Variants in LGSN observed in about 807,000 individuals in gnomAD.
LGSN encodes the protein lengsin.
Under a neutral mutation model 19.5 loss-of-function variants are expected in LGSN, and 21 were observed. The ratio of observed to expected loss-of-function variants is 1.07; its 90% confidence interval spans 0.76 to 1.55. LGSN has a LOEUF of 1.55. Ranked by LOEUF, LGSN falls within the 40% of genes most tolerant of loss-of-function variation. The pLI is 0.00. For missense variants in LGSN, 673 were observed against 608.5 expected (o/e 1.11, Z -1.12); for synonymous variants, 257 against 215.6 (o/e 1.19, Z -1.68).
the LGSN span, among the ~76,000 whole-genome samples, chr6:63,506,931 G>A: frequency 6.6e-6 from 1 of 152,082 alleles, no homozygotes; most frequent in Non-Finnish European, 1.5e-5. Flanking sequence ...TATCTTACTA[G>A]TATCCCTGCA....
the LGSN span, among the ~76,000 whole-genome samples, chr6:63,403,083 T>TAG: frequency 1.0e-3 from 147 of 145,368 alleles, 1 homozygote; most frequent in African/African-American, 2.2e-3. Flanking sequence ...AGATAGATGA[T>TAG]AGAGAGAGAG....
intron 1 of LGSN, among the ~76,000 whole-genome samples, chr6:63,304,175 G>A (rs1181431336): frequency 1.3e-5 from 2 of 152,284 alleles, no homozygotes; most frequent in Non-Finnish European, 1.5e-5. Flanking sequence ...TGACACCTTT[G>A]TTACTCCATA....
At chr6:63,493,813 T>C in the LGSN span, among the ~76,000 whole-genome samples, 1 of 152,362 alleles carries the variant, frequency 6.6e-6, no homozygotes, top group South Asian at 2.1e-4. Flanking sequence ...CCCCTGGGAA[T>C]GACTTCTGAA....
chr6:63,511,492 G>T, the LGSN span, among the ~76,000 whole-genome samples: 1 of 152,212 alleles, frequency 6.6e-6, no homozygotes, highest in East Asian at 1.9e-4. Flanking sequence ...CTGACCTCAG[G>T]TGATCCACCC....
At chr6:63,543,857 T>C in the LGSN span, among the ~76,000 whole-genome samples, 2 of 152,202 alleles carry the variant, frequency 1.3e-5, no homozygotes, top group Non-Finnish European at 2.9e-5. Flanking sequence ...CCAAACAAAG[T>C]AGATTTCATT....
chr6:63,536,813 A>C, the LGSN span, among the ~76,000 whole-genome samples: 3 of 152,116 alleles, frequency 2.0e-5, no homozygotes, highest in Admixed American at 2.0e-4. Context: ...TAAATACAAC[A>C]TTTAAACTAT....
At chr6:63,465,124 G>A in the LGSN span, among the ~76,000 whole-genome samples, 6 of 151,766 alleles carry the variant, frequency 4.0e-5, no homozygotes, top group Non-Finnish European at 8.8e-5. Flanking sequence ...TCTGTATGGT[G>A]GAAATACTAT....
the LGSN span, among the ~76,000 whole-genome samples, chr6:63,345,238 C>A: frequency 1.8e-4 from 27 of 152,148 alleles, no homozygotes; most frequent in African/African-American, 5.8e-4. Flanking sequence ...TCTTTGTTTC[C>A]TCTTTAACAG....
the LGSN span, among the ~76,000 whole-genome samples, chr6:63,521,270 C>T: frequency 5.9e-5 from 9 of 151,936 alleles, no homozygotes; most frequent in Non-Finnish European, 1.3e-4. Flanking sequence ...AAGAAAAAAA[C>T]GGCAAATAAT....
At chr6:63,512,233 C>A in the LGSN span, among the ~76,000 whole-genome samples, 1 of 152,148 alleles carries the variant, frequency 6.6e-6, no homozygotes, top group Non-Finnish European at 1.5e-5. Flanking sequence ...CAGGCATGTG[C>A]CACAGCTGCC....
At chr6:63,534,129 C>G in the LGSN span, among the ~76,000 whole-genome samples, 1 of 152,108 alleles carries the variant, frequency 6.6e-6, no homozygotes, top group Non-Finnish European at 1.5e-5. Flanking sequence ...AGGCATGAGC[C>G]ACAGTGCCCA....
At chr6:63,359,455 T>C in the LGSN span, among the ~76,000 whole-genome samples, 2 of 152,204 alleles carry the variant, frequency 1.3e-5, no homozygotes, top group Non-Finnish European at 2.9e-5. Context: ...TGTGAATCCA[T>C]CTGGTCCTGG....
At chr6:63,572,470 A>G in the LGSN span, 41 of 386,522 alleles carry the variant, frequency 1.1e-4, no homozygotes, top group Non-Finnish European at 1.6e-4. Flanking sequence ...AGGGCTTGTG[A>G]CGCAAGGGCG....
At chr6:63,529,853 A>G in the LGSN span, among the ~76,000 whole-genome samples, 1 of 152,208 alleles carries the variant, frequency 6.6e-6, no homozygotes, top group Non-Finnish European at 1.5e-5. Context: ...TCAGAGAACT[A>G]AAAATTATCA....
the LGSN span, among the ~76,000 whole-genome samples, chr6:63,411,666 C>T: frequency 2.0e-5 from 3 of 152,046 alleles, no homozygotes; most frequent in African/African-American, 7.2e-5. Context: ...TGGTCAGACT[C>T]TGAGTCTACA....
At chr6:63,562,197 T>C in the LGSN span, among the ~76,000 whole-genome samples, 1 of 147,656 alleles carries the variant, frequency 6.8e-6, no homozygotes. Context: ...GATATTTTCT[T>C]TTTCTTTTTT....
the LGSN span, among the ~76,000 whole-genome samples, chr6:63,510,767 G>T: frequency 6.9e-6 from 1 of 145,542 alleles, no homozygotes; most frequent in Admixed American, 7.3e-5. Flanking sequence ...TCTGCCTCCT[G>T]GATTCAAGTG....
At chr6:63,477,643 C>T in the LGSN span, among the ~76,000 whole-genome samples, 1 of 121,080 alleles carries the variant, frequency 8.3e-6, no homozygotes, top group African/African-American at 3.1e-5. Flanking sequence ...GGTTTTCATC[C>T]TTTTTTTTTT....
chr6:63,555,316 G>T, the LGSN span, among the ~76,000 whole-genome samples: 1 of 152,298 alleles, frequency 6.6e-6, no homozygotes, highest in South Asian at 2.1e-4. Flanking sequence ...ACTTCGGAGA[G>T]TTCCCTGGAA....
Sources: gnomAD v4.1 joint callset for allele counts (sites outside exome capture counted in the v4.1 genomes callset) on GRCh38, gnomAD v4.1.1 for gene constraint, MANE v1.5 for transcripts, NCBI Gene and HGNC (gene_info 2026-07-23, HGNC 2026-07-21) for gene names.